The following CD276 variants were observed in gnomAD, a reference collection of about 807,000 sequenced individuals.
CD276 encodes the protein CD276 antigen.
A neutral mutation model predicts 50.0 loss-of-function variants in CD276; 34 were observed. That is an observed-to-expected ratio of 0.68 (90% CI 0.52 to 0.91). CD276 has a LOEUF of 0.91. Among genes scored for constraint, CD276 ranks in the 40% least tolerant of loss-of-function variants. The pLI, the probability that CD276 is intolerant of heterozygous loss-of-function variation, is 0.00. For synonymous variants in CD276, 275 were observed against 313.0 expected (o/e 0.88, Z 1.28); for missense variants, 634 against 717.5 (o/e 0.88, Z 1.33).
Position 73,711,124 on chromosome 15 carries a change from T to G in CD276, c.1547-11T>G. On this transcript the variant is annotated splice_polypyrimidine_tract_variant and intron_variant, in intron 8 of 9. Coordinates refer to ENST00000318443, the MANE Select transcript of CD276 (RefSeq NM_001024736.2). The stretch of plus-strand genomic sequence containing the variant: ...TCCTCCCTCACCGTGTGCGCCTTCC[T>G]TTTTTTACAGCCCTGCAGCCTCTGA... 18 of 1,612,144 alleles carry G rather than the reference T, an allele frequency of 1.1e-5. No individual in the cohort carries two copies. The highest frequency in any genetic ancestry group is 1.4e-5 in the Non-Finnish European group (17 of 1,178,764).
intron 6 of CD276, 66 bp from the exon 7 acceptor site, chr15:73,708,273 A>G (rs1314416410): frequency 3.8e-6 from 6 of 1,577,782 alleles, no homozygotes; most frequent in East Asian, 4.5e-5. Context: ...CTTGGAGCCA[A>G]TGGTGCTGTC....
At chr15:73,694,302 G>A (rs1319667147) in intron 1 of CD276, among the ~76,000 whole-genome samples, 4 of 152,106 alleles carry the variant, frequency 2.6e-5, no homozygotes, top group African/African-American at 9.7e-5. Context: ...TCCAAAGCTG[G>A]GCTCAGGCAT....
chr15:73,691,656 C>A (rs1899993406), intron 1 of CD276, among the ~76,000 whole-genome samples: 2 of 152,148 alleles, frequency 1.3e-5, no homozygotes, highest in Non-Finnish European at 2.9e-5. Flanking sequence ...GAGTGCGGAG[C>A]CTTGCTACCA....
Position 73,713,489 on chromosome 15 carries a change from G to A in CD276, c.*533G>A, listed in dbSNP as rs1044540. On this transcript the variant is annotated 3_prime_UTR_variant, in exon 10 of 10. Transcript: ENST00000318443. Reference sequence around the variant, plus strand: ...TTTTCTTCTCAGACAGGGACAGTGCGGCCTCAACATCTCCTGGAGTCTAGA... The same window carrying A: ...TTTTCTTCTCAGACAGGGACAGTGCAGCCTCAACATCTCCTGGAGTCTAGA... 0.016 allele frequency: 4,568 copies of A among 292,812 alleles called. 222 individuals are homozygous for A. The highest frequency in any genetic ancestry group is 0.096 in the African/African-American group (4,107 of 42,590). 18.1% of individuals were successfully genotyped at this position (292,812 alleles called of 1,614,324 possible). A position where few individuals can be genotyped will look rare whatever the true frequency, so the allele number is the denominator to read the frequency against.
intron 2 of CD276, 104 bp from the exon 3 acceptor site, chr15:73,702,151 G>A (rs900065845): frequency 1.1e-6 from 1 of 886,346 alleles, no homozygotes; most frequent in Non-Finnish European, 1.7e-6. Flanking sequence ...GGCCTAAAAG[G>A]AGGGGTGGAC....
rs145286416 is a variant in CD276, at chr15:73,708,477, AGTGTGT to A, written c.1504+9_1504+14del. 2.3e-4 allele frequency: 368 copies of A among 1,611,016 alleles called. No homozygotes were observed. Among genetic ancestry groups the A allele is most frequent in the Non-Finnish European group, 3.0e-4 (349 of 1,178,388 alleles). The stretch of plus-strand genomic sequence containing the variant: ...AGCTGTGAGGAGGAGAATGCAGGTG[AGTGTGT>A]GTGTATGTGTGTGCGTGCGCATGCA... On this transcript the variant is annotated splice_donor_5th_base_variant and intron_variant, in intron 7 of 9. Coordinates refer to ENST00000318443, the MANE Select transcript of CD276 (RefSeq NM_001024736.2).
intron 1 of CD276, chr15:73,686,425 A>G: frequency 3.4e-6 from 1 of 295,692 alleles, no homozygotes; most frequent in Non-Finnish European, 5.0e-6. Flanking sequence ...GGGTTGGCTG[A>G]ATGTCTCATG....
intron 8 of CD276, 30 bp from the exon 9 acceptor site, chr15:73,711,105 C>T: frequency 6.2e-7 from 1 of 1,613,788 alleles, no homozygotes; most frequent in Non-Finnish European, 8.5e-7. Flanking sequence ...TGGTTCCTCC[C>T]TCACCGTGTG....
chr15:73,687,414 G>A lies in CD276; in HGVS notation c.-55+2954G>A, dbSNP rs2141531167. Among the ~76,000 whole-genome samples the A allele has an allele frequency of 6.6e-6, 1 of 152,288 alleles. No individual in the cohort carries two copies. Among genetic ancestry groups the A allele is most frequent in the Middle Eastern group, 3.4e-3 (1 of 294 alleles). On this transcript the variant is annotated intron_variant, in intron 1 of 9. Transcript: ENST00000318443. The surrounding 1 kb of genome is among the most constrained non-coding windows in gnomAD (Gnocchi z 4.0). Reference sequence around the variant, plus strand: ...GGGCTGTTGTCTGCTTCCAGAACTGGCTTTTTCTGCTGCTCTGGAGGTAGG... The same window carrying A: ...GGGCTGTTGTCTGCTTCCAGAACTGACTTTTTCTGCTGCTCTGGAGGTAGG...
chr15:73,686,267 C>G (rs1278189251), intron 1 of CD276: 1 of 984,650 alleles, frequency 1.0e-6, no homozygotes, highest in Non-Finnish European at 1.2e-6. Flanking sequence ...CCAGCTTACT[C>G]TAGACTCCTG....
intron 7 of CD276, chr15:73,708,702 G>A (rs1336477306): frequency 5.4e-6 from 3 of 560,716 alleles, no homozygotes; most frequent in Non-Finnish European, 9.6e-6. Context: ...GTGGATGAGT[G>A]TGACTGGAAG....
At chr15:73,689,535 T>C (rs929381225) in intron 1 of CD276, among the ~76,000 whole-genome samples, 1 of 152,166 alleles carries the variant, frequency 6.6e-6, no homozygotes, top group Non-Finnish European at 1.5e-5. Context: ...ATCTCTTTTC[T>C]GAGGCTGCTG....
chr15:73,707,991 A>G (rs1900714663), intron 6 of CD276, among the ~76,000 whole-genome samples: 1 of 152,194 alleles, frequency 6.6e-6, no homozygotes, highest in Non-Finnish European at 1.5e-5. Context: ...AGAATTAGAA[A>G]ACTTAGGGGA....
chr15:73,703,985 C>A lies in CD276; in HGVS notation c.1060C>A (p.Leu354Met). Reference protein sequence around the residue: ...IRDFGSAAVSLQVAAPYSKPS... With the variant: ...IRDFGSAAVSMQVAAPYSKPS... ...GGATTTCGGCAGCGCTGCCGTCAGC[C>A]TGCAGGTGGCCGGTGAGCACCAGGA... is the stretch of plus-strand genomic sequence containing the variant. The change falls in exon 5 of 10, where the codon CTG becomes ATG. Residue 354 changes from leucine to methionine, a missense_variant. Physicochemically the swap from Leu to Met is conservative, Grantham distance 15. Transcript: ENST00000318443. 6.2e-7 allele frequency: 1 copy of A among 1,609,596 alleles called. No individual in the cohort carries two copies. The highest frequency in any genetic ancestry group is 8.5e-7 in the Non-Finnish European group (1 of 1,178,650).
Position 73,702,286 on chromosome 15 carries a change from A to G in CD276, c.111A>G (p.Pro37=), listed in dbSNP as rs1358703602. ...TGGAGGTCCAGGTCCCTGAAGACCCAGTGGTGGCACTGGTGGGCACCGATG... is the reference window on the plus strand; with the variant it reads ...TGGAGGTCCAGGTCCCTGAAGACCCGGTGGTGGCACTGGTGGGCACCGATG... The part of the protein sequence containing the change: ...GALEVQVPED[P]VVALVGTDAT... The change falls in exon 3 of 10, where the codon CCA becomes CCG. Residue 37 remains proline (P), a synonymous_variant. Transcript: ENST00000318443. 2.5e-6 allele frequency: 4 copies of G among 1,612,604 alleles called. No individual in the cohort carries two copies. The highest frequency in any genetic ancestry group is 3.4e-6 in the Non-Finnish European group (4 of 1,179,626).
intron 1 of CD276, among the ~76,000 whole-genome samples, chr15:73,695,516 C>G (rs1900142226): frequency 6.6e-6 from 1 of 152,158 alleles, no homozygotes; most frequent in Non-Finnish European, 1.5e-5. Flanking sequence ...CTGCATGTCC[C>G]CCTTCCCTAT....
At chr15:73,686,459 C>T (rs750357105) in intron 1 of CD276, among the ~76,000 whole-genome samples, 9 of 152,108 alleles carry the variant, frequency 5.9e-5, no homozygotes, top group Non-Finnish European at 8.8e-5. Context: ...CAGCTGGCTT[C>T]GGTGCTTTAA....
At chr15:73,702,231 G>C in intron 2 of CD276, 24 bp from the exon 3 acceptor site, 3 of 1,566,872 alleles carry the variant, frequency 1.9e-6, no homozygotes, top group Middle Eastern at 3.4e-4. Context: ...CCCCTTATAT[G>C]TTCTCCACTC....
In CD276 at chr15:73,705,968, G is replaced by A. The variant is rs562722931; in HGVS notation, c.1369+1496G>A. Among the ~76,000 whole-genome samples, 8 of 152,252 alleles carry A rather than the reference G, an allele frequency of 5.3e-5. No homozygotes were observed. The South Asian group carries it at 8.3e-4, about 16-fold the overall frequency. On this transcript the variant is annotated intron_variant, in intron 6 of 9. Coordinates refer to ENST00000318443, the MANE Select transcript of CD276 (RefSeq NM_001024736.2). The stretch of plus-strand genomic sequence containing the variant: ...TTAAAGTGATTTCAAAAAAATTTAG[G>A]GCTGGGCATGGTGGCTCACACCTGT...
Sources: allele counts gnomAD v4.1 joint callset (sites outside exome capture counted in the v4.1 genomes callset), GRCh38; gene constraint gnomAD v4.1.1; non-coding constraint Gnocchi (gnomAD v3.1); transcripts MANE v1.5; gene names NCBI Gene and HGNC (gene_info 2026-07-23, HGNC 2026-07-21).